The following FBXL17 variants were observed in gnomAD, a reference collection of about 807,000 sequenced individuals.
FBXL17 encodes F-box/LRR-repeat protein 17.
Under a neutral mutation model 66.2 loss-of-function variants are expected in FBXL17, and 22 were observed. The ratio of observed to expected loss-of-function variants is 0.33; its 90% CI spans 0.24 to 0.47. The LOEUF (loss-of-function observed/expected upper bound fraction) is 0.47. Ranked by LOEUF, FBXL17 falls within the 20% of genes least tolerant of loss-of-function variation. FBXL17 has a pLI of 1.00. For synonymous variants in FBXL17, 474 were observed against 400.5 expected (o/e 1.18, Z -2.19); for missense variants, 878 against 948.2 (o/e 0.93, Z 0.97).
chr5:108,014,145 C>T (rs1754290020), intron 7 of FBXL17, among the ~76,000 whole-genome samples: 1 of 152,068 alleles, frequency 6.6e-6, no homozygotes, highest in Non-Finnish European at 1.5e-5. Context: ...TGATTTGGGA[C>T]TAATTTCCTA....
At chr5:108,190,958 T>C (rs1384126414) in intron 5 of FBXL17, among the ~76,000 whole-genome samples, 4 of 152,182 alleles carry the variant, frequency 2.6e-5, no homozygotes, top group Non-Finnish European at 5.9e-5. Flanking sequence ...TCTGGGCTCA[T>C]GTGCTGACAG....
chr5:108,171,393 C>T (rs1752600254), intron 6 of FBXL17, among the ~76,000 whole-genome samples: 1 of 152,134 alleles, frequency 6.6e-6, no homozygotes, highest in Non-Finnish European at 1.5e-5. Flanking sequence ...CCTGGCTCTG[C>T]ACTTGCTATC....
intron 2 of FBXL17, among the ~76,000 whole-genome samples, chr5:108,365,502 T>C (rs1020248515): frequency 6.6e-6 from 1 of 152,128 alleles, no homozygotes; most frequent in African/African-American, 2.4e-5. Context: ...GTATATCCCA[T>C]ACCTTGCCTT....
intron 3 of FBXL17, among the ~76,000 whole-genome samples, chr5:108,357,457 C>T (rs754460063): frequency 1.3e-5 from 2 of 151,946 alleles, no homozygotes; most frequent in Non-Finnish European, 2.9e-5. Flanking sequence ...AGGCATAGTT[C>T]AACTCAATAA....
At chr5:107,878,899 G>A (rs1304322274) in intron 8 of FBXL17, 4 of 985,362 alleles carry the variant, frequency 4.1e-6, no homozygotes, top group Non-Finnish European at 4.8e-6. Flanking sequence ...ACCAGACGGC[G>A]TCGTGCTGGA....
intron 7 of FBXL17, among the ~76,000 whole-genome samples, chr5:107,893,796 C>T (rs143193054): frequency 2.6e-5 from 4 of 152,196 alleles, no homozygotes; most frequent in East Asian, 1.9e-4. Flanking sequence ...CCATTGATTG[C>T]GACATAAACC....
intron 4 of FBXL17, among the ~76,000 whole-genome samples, chr5:108,256,813 C>T (rs1310063335): frequency 1.3e-5 from 2 of 151,852 alleles, no homozygotes; most frequent in African/African-American, 2.4e-5. Flanking sequence ...CTTCCCTGCA[C>T]AAGTTTTTGT....
intron 4 of FBXL17, among the ~76,000 whole-genome samples, chr5:108,330,648 C>T (rs1376878442): frequency 6.6e-6 from 1 of 152,088 alleles, no homozygotes. Context: ...AAAAACTCCC[C>T]TTCTAATAAA....
At chr5:107,995,169 G>A (rs1291093330) in intron 7 of FBXL17, among the ~76,000 whole-genome samples, 2 of 152,008 alleles carry the variant, frequency 1.3e-5, no homozygotes, top group Non-Finnish European at 2.9e-5. Context: ...AACTAAAAAG[G>A]TATTAGAGCA....
chr5:108,133,670 C>T lies in FBXL17; in HGVS notation c.1745+52447G>A, dbSNP rs567081599. The stretch of plus-strand genomic sequence containing the variant: ...AAGAAAGGAAGGAAAAAACGTTGGT[C>T]TATAGGAAAGCAAAGAAAAGGAAGA... On this transcript the variant is annotated intron_variant, in intron 6 of 8. Coordinates refer to ENST00000542267, the MANE Select transcript of FBXL17 (RefSeq NM_001163315.3). 1.1e-4 allele frequency among the ~76,000 whole-genome samples: 17 copies of T among 151,600 alleles called. No individual in the cohort carries two copies. In the South Asian group the frequency reaches 3.5e-3, roughly 32 times the overall value.
chr5:108,227,547 C>A (rs538724437), intron 4 of FBXL17, among the ~76,000 whole-genome samples: 2 of 152,330 alleles, frequency 1.3e-5, no homozygotes, highest in Admixed American at 1.3e-4. Flanking sequence ...CAACTTACAT[C>A]TCTTTGGCAT....
chr5:108,134,904 CT>C (rs1751076534), intron 6 of FBXL17, among the ~76,000 whole-genome samples: 1 of 152,098 alleles, frequency 6.6e-6, no homozygotes, highest in African/African-American at 2.4e-5. Context: ...ACAAAAACAG[CT>C]GCTATGGAAT....
chr5:108,042,443 G>T (rs1747088178), intron 6 of FBXL17, among the ~76,000 whole-genome samples: 1 of 151,754 alleles, frequency 6.6e-6, no homozygotes, highest in Admixed American at 6.6e-5. Flanking sequence ...TTTAACCCCT[G>T]GTAACCTCTA....
At position 108,380,690 on chromosome 5, in the gene FBXL17, C is replaced by T; in HGVS notation, c.993+9G>A. On this transcript the variant is annotated intron_variant, in intron 1 of 8. Transcript: ENST00000542267. Reference sequence around the variant, plus strand: ...AGCGAGCATCCCTGCGCCTCTCGCCCAGACCCACCTTGAGCAGGATGGACG... The same window carrying T: ...AGCGAGCATCCCTGCGCCTCTCGCCTAGACCCACCTTGAGCAGGATGGACG... The T allele has an allele frequency of 1.6e-6, 2 of 1,248,588 alleles. No homozygotes were observed. Among genetic ancestry groups the T allele is most frequent in the Non-Finnish European group, 1.0e-6 (1 of 988,504 alleles). 77.3% of individuals were successfully genotyped at this position (1,248,588 alleles called of 1,614,324 possible). A position where few individuals can be genotyped will look rare whatever the true frequency, so the allele number is the denominator to read the frequency against.
chr5:108,299,017 G>A, intron 4 of FBXL17: 12 of 978,088 alleles, frequency 1.2e-5, no homozygotes, highest in Non-Finnish European at 1.5e-5. Context: ...TTACCTAGCT[G>A]CCAATATGGA....
intron 1 of FBXL17, among the ~76,000 whole-genome samples, chr5:108,374,104 C>G (rs902052537): frequency 1.4e-4 from 21 of 152,244 alleles, no homozygotes; most frequent in African/African-American, 4.8e-4. Flanking sequence ...CGCATTAATG[C>G]TTGGAGACTA....
chr5:108,190,890 T>G (rs1246316039), intron 5 of FBXL17, among the ~76,000 whole-genome samples: 1 of 152,190 alleles, frequency 6.6e-6, no homozygotes, highest in Non-Finnish European at 1.5e-5. Flanking sequence ...AATATACTGT[T>G]CTGTAACATG....
intron 8 of FBXL17, among the ~76,000 whole-genome samples, chr5:107,865,947 C>A (rs1748258303): frequency 6.6e-6 from 1 of 152,186 alleles, no homozygotes; most frequent in African/African-American, 2.4e-5. Context: ...GAGCCCAAAT[C>A]CTTTTACATC....
chr5:108,202,898 A>T (rs567095276), intron 5 of FBXL17, among the ~76,000 whole-genome samples: 85 of 152,240 alleles, frequency 5.6e-4, no homozygotes, highest in African/African-American at 1.9e-3. Context: ...AATGCTTTTT[A>T]AAAAATACTA....
Sources: allele counts gnomAD v4.1 joint callset (sites outside exome capture counted in the v4.1 genomes callset), GRCh38; gene constraint gnomAD v4.1.1; transcripts MANE v1.5; gene names NCBI Gene and HGNC (gene_info 2026-07-23, HGNC 2026-07-21).